ZNF408: variants seen among roughly 807,000 people sequenced by gnomAD.
The protein encoded by ZNF408 is PR domain zinc finger protein 17.
A neutral mutation model predicts 27.6 loss-of-function variants in ZNF408; 24 were observed. That is an observed-to-expected ratio of 0.87 (90% CI 0.63 to 1.22). ZNF408 has a LOEUF of 1.22. Among genes scored for constraint, ZNF408 ranks in the 50% most tolerant of loss-of-function variants. The pLI, the probability that ZNF408 is intolerant of heterozygous loss-of-function variation, is 0.00. For missense variants in ZNF408, 897 were observed against 949.0 expected (o/e 0.95, Z 0.72); for synonymous variants, 410 against 396.1 (o/e 1.04, Z -0.42).
intron 4 of ZNF408, among the ~76,000 whole-genome samples, chr11:46,703,743 TTTGTTGTTGTTG>T (rs768457772): frequency 8.3e-6 from 1 of 120,534 alleles, no homozygotes; most frequent in East Asian, 2.3e-4. Flanking sequence ...TTTGTTTTGT[TTTGTTGTTGTTG>T]TTGTTGTTGT....
Position 46,704,752 on chromosome 11 carries a change from G to T in ZNF408, c.1052G>T (p.Arg351Leu), listed in dbSNP as rs143952516. 16 of 1,595,724 alleles carry T rather than the reference G, an allele frequency of 1.0e-5. No individual in the cohort carries two copies. The highest frequency in any genetic ancestry group is 1.3e-5 in the African/African-American group (1 of 74,190). ...GPAGSSPKQG[R>L]RYRCGECGKA... The stretch of plus-strand genomic sequence containing the variant: ...GCAGGAAGCTCCCCAAAGCAGGGGC[G>T]ACGGTACCGGTGTGGAGAGTGTGGC... The change falls in exon 5 of 5, where the codon CGA (arginine) becomes CTA (leucine). Residue 351 changes from arginine to leucine, a missense_variant. Physicochemically the swap from Arg to Leu is moderately radical, Grantham distance 102. Coordinates refer to ENST00000311764, the MANE Select transcript of ZNF408 (RefSeq NM_024741.3).
Position 46,705,628 on chromosome 11 carries a change from C to T in ZNF408, c.1928C>T (p.Ala643Val), listed in dbSNP as rs757827254. Residue 643 changes from alanine to valine, a missense_variant, in exon 5 of 5, where the codon GCT becomes GTT. By Grantham distance (64) the Ala-to-Val change is moderately conservative. Transcript: ENST00000311764. The surrounding 1 kb of genome is among the most constrained non-coding windows in gnomAD (Gnocchi z 6.5). The stretch of plus-strand genomic sequence containing the variant: ...TGCAGCCCACCCTCTGTGCCTTCTG[C>T]TGCTTCTGAGCCCACTGTGGTGCTC... ...APCSPPSVPS[A>V]ASEPTVVLLQ... 1.6e-5 allele frequency: 26 copies of T among 1,612,882 alleles called. No individual in the cohort carries two copies. The Admixed American group carries it at 1.8e-4, about 11-fold the overall frequency.
Position 46,703,041 on chromosome 11 carries a change from C to T in ZNF408, c.450C>T (p.Ser150=), listed in dbSNP as rs369194898. The T allele has an allele frequency of 9.5e-5, 153 of 1,613,980 alleles. No homozygotes were observed. The highest frequency in any genetic ancestry group is 8.5e-4 in the African/African-American group (64 of 75,038). The change falls in exon 4 of 5, where the codon AGC becomes AGT. Residue 150 remains serine (S), a synonymous_variant. Coordinates refer to ENST00000311764, the MANE Select transcript of ZNF408 (RefSeq NM_024741.3). The stretch of plus-strand genomic sequence containing the variant: ...GAAATGTGGCCCCAGTGCGGATCAG[C>T]GAGAGGCTTCATCTGCAAGTGTACC... ...SEGNVAPVRI[S]ERLHLQVYQL...
Position 46,702,709 on chromosome 11 carries a change from G to C in ZNF408, c.336G>C (p.Leu112=). 1 of 1,614,052 alleles carries C rather than the reference G, an allele frequency of 6.2e-7. No homozygotes were observed. Among genetic ancestry groups the C allele is most frequent in the Non-Finnish European group, 8.5e-7 (1 of 1,179,904 alleles). ...CTTTTGTTGGTTTATTTCAGAACCT[G>C]TCATTAGGCCCATGGGGAGACGTGT... ...EGVKPRQEEN[L]SLGPWGDVCA... The change falls in exon 3 of 5, where the codon CTG becomes CTC. Residue 112 remains leucine, a synonymous_variant. Coordinates refer to ENST00000311764, the MANE Select transcript of ZNF408 (RefSeq NM_024741.3).
intron 1 of ZNF408, 61 bp from the exon 2 acceptor site, chr11:46,701,338 A>G (rs2064702694): frequency 6.3e-7 from 1 of 1,589,596 alleles, no homozygotes; most frequent in Admixed American, 1.7e-5. Context: ...TTCCTCCCAC[A>G]CTTTTCCCCA....
rs1023483561 is a variant in ZNF408 at position 46,702,394 on chromosome 11, C to T, written c.331-310C>T. Among the ~76,000 whole-genome samples, 6 of 152,160 alleles carry T rather than the reference C, an allele frequency of 3.9e-5. No homozygotes were observed. In the East Asian group the frequency reaches 7.7e-4, roughly 20 times the overall value. On this transcript the variant is annotated intron_variant, in intron 2 of 4. Transcript: ENST00000311764. ...ACAGGTGTGAGCCCCCGCGCCTGGCCCAATAAATACCATTTTAAAAAGCTG... is the reference window on the plus strand; with the variant it reads ...ACAGGTGTGAGCCCCCGCGCCTGGCTCAATAAATACCATTTTAAAAAGCTG...
In ZNF408 at chr11:46,705,621, C is replaced by G; in HGVS notation, c.1921C>G (p.Pro641Ala). Residue 641 changes from proline (P) to alanine (A), a missense_variant, in exon 5 of 5, where the codon CCT becomes GCT. By Grantham distance (27) the Pro-to-Ala change is conservative. Coordinates refer to ENST00000311764, the MANE Select transcript of ZNF408 (RefSeq NM_024741.3). This position sits in a 1 kb window ranked among gnomAD's most constrained non-coding sequence, Gnocchi z 6.5. ...GGCACCCTGCAGCCCACCCTCTGTG[C>G]CTTCTGCTGCTTCTGAGCCCACTGT... is the stretch of plus-strand genomic sequence containing the variant. ...PEAPCSPPSVPSAASEPTVVL... is the reference protein window; with the variant it reads ...PEAPCSPPSVASAASEPTVVL... 1 of 1,612,536 alleles carries G rather than the reference C, an allele frequency of 6.2e-7. No individual in the cohort carries two copies. Among genetic ancestry groups the G allele is most frequent in the Non-Finnish European group, 8.5e-7 (1 of 1,180,010 alleles).
chr11:46,704,629 A>T lies in ZNF408; in HGVS notation c.929A>T (p.His310Leu), dbSNP rs1451150914. 2.5e-6 allele frequency: 4 copies of T among 1,613,920 alleles called. No homozygotes were observed. The highest frequency in any genetic ancestry group is 3.4e-6 in the Non-Finnish European group (4 of 1,180,010). Residue 310 changes from histidine (H) to leucine (L), a missense_variant, in exon 5 of 5, where the codon CAC becomes CTC. Coordinates refer to ENST00000311764, the MANE Select transcript of ZNF408 (RefSeq NM_024741.3). ...CATGGCTACCTGGCCAAGAAGTTAC[A>T]CAGCCCCAGTGATCAGTGCCCACCC... ...QPHGYLAKKL[H>L]SPSDQCPPRA...
chr11:46,705,051 T>C lies in ZNF408; in HGVS notation c.1351T>C (p.Ser451Pro), dbSNP rs781380514. The C allele has an allele frequency of 1.2e-6, 2 of 1,612,786 alleles. No individual in the cohort carries two copies. The highest frequency in any genetic ancestry group is 1.7e-6 in the Non-Finnish European group (2 of 1,179,948). The change falls in exon 5 of 5, where the codon TCC becomes CCC. Residue 451 changes from serine (S) to proline (P), a missense_variant. By Grantham distance (74) the Ser-to-Pro change is moderately conservative. Transcript: ENST00000311764. This position sits in a 1 kb window ranked among gnomAD's most constrained non-coding sequence, Gnocchi z 6.5. Reference sequence around the variant, plus strand: ...TGGCAAGGCCTTTGCCCGCCGGCCCTCCCTGCGGCTGCATCGCAAGACCCA... The same window carrying C: ...TGGCAAGGCCTTTGCCCGCCGGCCCCCCCTGCGGCTGCATCGCAAGACCCA... ...QCGKAFARRP[S>P]LRLHRKTHQV...
intron 4 of ZNF408, among the ~76,000 whole-genome samples, 155 bp downstream of exon 4, chr11:46,703,398 A>G (rs554738918): frequency 1.3e-5 from 2 of 152,290 alleles, no homozygotes; most frequent in African/African-American, 2.4e-5. Flanking sequence ...ATCTTTCAAC[A>G]TGGGATAGGA....
intron 1 of ZNF408, 49 bp from the exon 2 acceptor site, chr11:46,701,350 C>T (rs760769926): frequency 1.3e-6 from 2 of 1,597,518 alleles, no homozygotes; most frequent in African/African-American, 1.3e-5. Context: ...TTTTCCCCAC[C>T]TCCCACCTTC....
Position 46,705,466 on chromosome 11 carries a change from CGCTG to C in ZNF408, c.1769_1772del (p.Leu590ProfsTer110). ...TGTCCCCAGTGTGGCCGTGCTTACACGCTGGCCACCAAGCTGCGGCGCCACCTCA... is the reference window on the plus strand; with the variant it reads ...TGTCCCCAGTGTGGCCGTGCTTACACGCCACCAAGCTGCGGCGCCACCTCA... On this transcript the variant is annotated frameshift_variant, in exon 5 of 5. Coordinates refer to ENST00000311764, the MANE Select transcript of ZNF408 (RefSeq NM_024741.3). LOFTEE classifies it low-confidence loss of function (END_TRUNC). This position sits in a 1 kb window ranked among gnomAD's most constrained non-coding sequence, Gnocchi z 6.5. 1 of 1,607,400 alleles carries C rather than the reference CGCTG, an allele frequency of 6.2e-7. No individual in the cohort carries two copies. Among genetic ancestry groups the C allele is most frequent in the Non-Finnish European group, 8.5e-7 (1 of 1,179,952 alleles).
chr11:46,705,675 C>T lies in ZNF408; in HGVS notation c.1975C>T (p.Leu659=), dbSNP rs765325050. 1 of 1,613,900 alleles carries T rather than the reference C, an allele frequency of 6.2e-7. No individual in the cohort carries two copies. Among genetic ancestry groups the T allele is most frequent in the Non-Finnish European group, 8.5e-7 (1 of 1,179,994 alleles). ...VVLLQAEPQL[L]DTHREEEVSP... is the part of the protein sequence containing the mutation. The stretch of plus-strand genomic sequence containing the variant: ...GCTCCTGCAGGCTGAGCCACAACTG[C>T]TGGACACACACAGAGAGGAGGAAGT... Residue 659 remains leucine (L), a synonymous_variant, in exon 5 of 5, where the codon CTG becomes TTG. Transcript: ENST00000311764. This position sits in a 1 kb window ranked among gnomAD's most constrained non-coding sequence, Gnocchi z 6.5.
chr11:46,703,860 C>T (rs1404011164), intron 4 of ZNF408, among the ~76,000 whole-genome samples: 1 of 149,854 alleles, frequency 6.7e-6, no homozygotes, highest in African/African-American at 2.5e-5. Context: ...CTCTGCCTCC[C>T]AGGTTCAGGT....
chr11:46,704,746 A>G lies in ZNF408; in HGVS notation c.1046A>G (p.Gln349Arg), dbSNP rs765325443. The G allele has an allele frequency of 1.3e-6, 2 of 1,596,486 alleles. No individual in the cohort carries two copies. The highest frequency in any genetic ancestry group is 2.7e-5 in the African/African-American group (2 of 74,138). The change falls in exon 5 of 5, where the codon CAG becomes CGG. Residue 349 changes from glutamine to arginine, a missense_variant. Gln to Arg is a conservative substitution (Grantham distance 43). Transcript: ENST00000311764. ...PPGPAGSSPKQGRRYRCGECG... is the reference protein window; with the variant it reads ...PPGPAGSSPKRGRRYRCGECG... ...GGCCCAGCAGGAAGCTCCCCAAAGC[A>G]GGGGCGACGGTACCGGTGTGGAGAG... is the stretch of plus-strand genomic sequence containing the variant.
chr11:46,705,571 G>A lies in ZNF408; in HGVS notation c.1871G>A (p.Arg624Gln), dbSNP rs774737401. ...TACACCCTCCCGCAGAGCCTCAGGC[G>A]GCATCAGCTCAGTCACCGGCCTGAG... ...MGYTLPQSLR[R>Q]HQLSHRPEAP... Residue 624 changes from arginine (R) to glutamine (Q), a missense_variant, in exon 5 of 5, where the codon CGG becomes CAG. Physicochemically the swap from Arg to Gln is conservative, Grantham distance 43 (BLOSUM62 1). Coordinates refer to ENST00000311764, the MANE Select transcript of ZNF408 (RefSeq NM_024741.3). This position sits in a 1 kb window ranked among gnomAD's most constrained non-coding sequence, Gnocchi z 6.5. 15 of 1,606,742 alleles carry A rather than the reference G, an allele frequency of 9.3e-6. No homozygotes were observed. The highest frequency in any genetic ancestry group is 7.7e-5 in the South Asian group (7 of 91,090).
Position 46,701,411 on chromosome 11 carries a change from G to T in ZNF408, c.65G>T (p.Arg22Leu). 2 of 1,613,054 alleles carry T rather than the reference G, an allele frequency of 1.2e-6. No individual in the cohort carries two copies. Among genetic ancestry groups the T allele is most frequent in the Non-Finnish European group, 1.7e-6 (2 of 1,179,342 alleles). ...KKALQLAREP[R>L]LGLDLGWNPS... ...CTTCTCTCTGCAGCCCGCGAGCCGC[G>T]CCTGGGCCTGGACTTAGGATGGAAC... Residue 22 changes from arginine (R) to leucine (L), a missense_variant, in exon 2 of 5, where the codon CGC (arginine) becomes CTC (leucine). Physicochemically the swap from Arg to Leu is moderately radical, Grantham distance 102. Transcript: ENST00000311764.
At chr11:46,701,332 TC>T (rs2134504800) in intron 1 of ZNF408, 66 bp from the exon 2 acceptor site, 2 of 1,588,918 alleles carry the variant, frequency 1.3e-6, no homozygotes, top group East Asian at 4.5e-5. Context: ...TGCGGTTTCC[TC>T]CCACACTTTT....
In ZNF408 at chr11:46,703,087, G is replaced by A. The variant is rs770749630; in HGVS notation, c.496G>A (p.Glu166Lys). 38 of 1,613,178 alleles carry A rather than the reference G, an allele frequency of 2.4e-5. No homozygotes were observed. Among genetic ancestry groups the A allele is most frequent in the Non-Finnish European group, 3.2e-5 (38 of 1,179,690 alleles). The change falls in exon 4 of 5, where the codon GAA (glutamate) becomes AAA (lysine). Residue 166 changes from glutamate (E) to lysine (K), a missense_variant. Coordinates refer to ENST00000311764, the MANE Select transcript of ZNF408 (RefSeq NM_024741.3). ...GTACCAGCTGGTGCTGCCAGGCTCT[G>A]AACTGCTGCTGTGGCCCCAGCCTTC... ...QVYQLVLPGSELLLWPQPSSE... is the reference protein window; with the variant it reads ...QVYQLVLPGSKLLLWPQPSSE...
Sources: gnomAD v4.1 joint callset for allele counts (sites outside exome capture counted in the v4.1 genomes callset) on GRCh38, gnomAD v4.1.1 for gene constraint, Gnocchi (gnomAD v3.1) non-coding constraint, MANE v1.5 for transcripts, NCBI Gene and HGNC (gene_info 2026-07-23, HGNC 2026-07-21) for gene names.